The following MYH14 variants were observed in gnomAD, a reference collection of about 807,000 sequenced individuals.
The protein encoded by MYH14 is myosin-14.
In MYH14, 123 loss-of-function variants were observed where a neutral mutation model predicts 255.5. That is an observed-to-expected ratio of 0.48 (90% CI 0.42 to 0.56). The LOEUF (loss-of-function observed/expected upper bound fraction) is 0.56. MYH14 is among the 20% of genes least tolerant of loss of function. The pLI is 0.00. For synonymous variants in MYH14, 1,095 were observed against 1,161.2 expected (o/e 0.94, Z 1.16); for missense variants, 2,423 against 2,802.3 (o/e 0.86, Z 3.06).
At chr19:50,261,441 C>T in intron 20 of MYH14, 34 bp from the exon 21 acceptor site, 2 of 1,202,430 alleles carry the variant, frequency 1.7e-6, no homozygotes, top group Non-Finnish European at 1.0e-6. Context: ...CCATCACCCC[C>T]TCTCCGTCAT....
chr19:50,309,752 C>G lies in MYH14; in HGVS notation c.6073C>G (p.Pro2025Ala). 6.3e-7 allele frequency: 1 copy of G among 1,591,620 alleles called. No individual in the cohort carries two copies. Among genetic ancestry groups the G allele is most frequent in the East Asian group, 2.3e-5 (1 of 43,486 alleles). ...EEAQPGSGPSPEPEGSPPAHP... is the reference protein window; with the variant it reads ...EEAQPGSGPSAEPEGSPPAHP... ...AGCACAGCCTGGGTCTGGGCCATCC[C>G]CGGAGCCTGAGGGGTCCCCACCAGC... Residue 2025 changes from proline to alanine, a missense_variant, in exon 43 of 43, where the codon CCG becomes GCG. By Grantham distance (27) the Pro-to-Ala change is conservative (BLOSUM62 -1). This residue lies in a region of MYH14 where 1,513 missense variants were observed against 1,674.8 expected (regional missense o/e 0.90). Coordinates refer to ENST00000642316, the MANE Select transcript of MYH14 (RefSeq NM_001145809.2).
At chr19:50,307,406 G>A (rs1258513916) in intron 41 of MYH14, among the ~76,000 whole-genome samples, 1 of 152,208 alleles carries the variant, frequency 6.6e-6, no homozygotes, top group Non-Finnish European at 1.5e-5. Flanking sequence ...CAGGGCAAGG[G>A]AAGAAGTTAA....
At position 50,230,707 on chromosome 19, in the gene MYH14, A is replaced by G. The variant is rs2033335421; in HGVS notation, c.973+84A>G. The G allele has an allele frequency of 8.7e-7, 1 of 1,143,170 alleles. No individual in the cohort carries two copies. Among genetic ancestry groups the G allele is most frequent in the Non-Finnish European group, 1.3e-6 (1 of 790,840 alleles). The allele number at this position is 1,143,170 out of a possible 1,614,324, so 70.8% of individuals were successfully genotyped here. ...GGGGGCCCCTTCTGGGGAGGAAGCA[A>G]GAGTGGGGGGCTCTAATATCCGTCA... is the stretch of plus-strand genomic sequence containing the variant. On this transcript the variant is annotated intron_variant, in intron 9 of 42. Transcript: ENST00000642316. This position sits in a 1 kb window ranked among gnomAD's most constrained non-coding sequence, Gnocchi z 4.7.
At chr19:50,265,444 T>C (rs2035051003) in intron 22 of MYH14, among the ~76,000 whole-genome samples, 1 of 152,046 alleles carries the variant, frequency 6.6e-6, no homozygotes, top group Non-Finnish European at 1.5e-5. Flanking sequence ...CCCAGGAGTA[T>C]GAGGCTACAG....
chr19:50,244,479 A>ATTT (rs36011027), intron 11 of MYH14, 142 bp downstream of exon 11: 77 of 437,966 alleles, frequency 1.8e-4, no homozygotes, highest in East Asian at 8.9e-4. Flanking sequence ...GATTTCCTGC[A>ATTT]TTTTTTTTTT....
intron 39 of MYH14, among the ~76,000 whole-genome samples, chr19:50,299,909 C>T (rs1016173459): frequency 3.3e-5 from 5 of 152,204 alleles, no homozygotes; most frequent in Non-Finnish European, 7.3e-5. Flanking sequence ...CGTGCCACTA[C>T]ACTCCAGCCT....
chr19:50,219,784 A>G (rs1388260310), intron 3 of MYH14, among the ~76,000 whole-genome samples: 1 of 150,838 alleles, frequency 6.6e-6, no homozygotes, highest in Non-Finnish European at 1.5e-5. Context: ...TACATGATTA[A>G]CATCTATTAT....
At chr19:50,203,967 G>T (rs2031593182) in intron 1 of MYH14, among the ~76,000 whole-genome samples, 1 of 152,100 alleles carries the variant, frequency 6.6e-6, no homozygotes, top group Admixed American at 6.5e-5. Context: ...GCTGTCTTTG[G>T]AACCTCGGCC....
intron 39 of MYH14, among the ~76,000 whole-genome samples, chr19:50,299,405 A>G (rs2123472449): frequency 6.6e-6 from 1 of 151,426 alleles, no homozygotes; most frequent in Non-Finnish European, 1.5e-5. Flanking sequence ...TCCCATCTCT[A>G]CAAAAAAATA....
intron 22 of MYH14, among the ~76,000 whole-genome samples, chr19:50,265,419 G>A (rs1280891277): frequency 3.9e-5 from 6 of 152,094 alleles, no homozygotes; most frequent in African/African-American, 7.2e-5. Context: ...TACTTGGGAC[G>A]AAGGATTGCT....
intron 14 of MYH14, 81 bp downstream of exon 14, chr19:50,249,904 C>T: frequency 6.5e-7 from 1 of 1,542,974 alleles, no homozygotes; most frequent in Non-Finnish European, 8.9e-7. Flanking sequence ...GGTCTAGCTC[C>T]TCCTCTGCTG....
Position 50,309,991 on chromosome 19 carries a change from C to T in MYH14, c.*201C>T, listed in dbSNP as rs1011966126. On this transcript the variant is annotated 3_prime_UTR_variant, in exon 43 of 43. Transcript: ENST00000642316. ...GACCCCTAAACACAGAGGAGCGGGGCAGGCAGGGAGGCAATGACTGGAGCT... is the reference window on the plus strand; with the variant it reads ...GACCCCTAAACACAGAGGAGCGGGGTAGGCAGGGAGGCAATGACTGGAGCT... 4.4e-6 allele frequency: 3 copies of T among 674,400 alleles called. No homozygotes were observed. Among genetic ancestry groups the T allele is most frequent in the Non-Finnish European group, 7.8e-6 (3 of 384,688 alleles). 41.8% of individuals were successfully genotyped at this position (674,400 alleles called of 1,614,324 possible).
chr19:50,232,593 C>CAAAAAAAAAAAAA (rs532232129), intron 10 of MYH14, among the ~76,000 whole-genome samples: 3 of 63,692 alleles, frequency 4.7e-5, no homozygotes, highest in African/African-American at 6.6e-5. Context: ...GACTCTGTCT[C>CAAAAAAAAAAAAA]AAAAAAAAAA....
chr19:50,293,926 A>G lies in MYH14; in HGVS notation c.5469+239A>G, dbSNP rs1243470567. 6.6e-6 allele frequency among the ~76,000 whole-genome samples: 1 copy of G among 152,160 alleles called. No homozygotes were observed. The highest frequency in any genetic ancestry group is 6.6e-5 in the Admixed American group (1 of 15,264). On this transcript the variant is annotated intron_variant, in intron 39 of 42. Coordinates refer to ENST00000642316, the MANE Select transcript of MYH14 (RefSeq NM_001145809.2). This position sits in a 1 kb window ranked among gnomAD's most constrained non-coding sequence, Gnocchi z 4.1. ...CAGACATGGGCCAGCAAGTGTGATC[A>G]TGGAAGTCTCCTGGGCCCAGTAGAG...
chr19:50,208,123 T>C (rs8105480), intron 1 of MYH14, among the ~76,000 whole-genome samples: 12,088 of 152,234 alleles, frequency 0.079, 999 homozygotes, highest in African/African-American at 0.21. Flanking sequence ...CACCATTTAA[T>C]GTACTATCTG....
rs1430214828 is a variant in MYH14 at position 50,272,865 on chromosome 19, C to G, written c.3467+134C>G. 18 of 852,860 alleles carry G rather than the reference C, an allele frequency of 2.1e-5. No individual in the cohort carries two copies. The East Asian group carries it at 4.5e-4, about 21-fold the overall frequency. 52.8% of individuals were successfully genotyped at this position (852,860 alleles called of 1,614,324 possible). A position where few individuals can be genotyped will look rare whatever the true frequency, so the allele number is the denominator to read the frequency against. On this transcript the variant is annotated intron_variant, in intron 27 of 42. Transcript: ENST00000642316. ...ACCAGCCACAGACAGGCCACATCCCCTCCGAGCCTCAGTGTCCCCTTCTGT... is the reference window on the plus strand; with the variant it reads ...ACCAGCCACAGACAGGCCACATCCCGTCCGAGCCTCAGTGTCCCCTTCTGT...
chr19:50,295,097 G>A (rs1016360638), intron 39 of MYH14, among the ~76,000 whole-genome samples: 14 of 151,632 alleles, frequency 9.2e-5, no homozygotes, highest in South Asian at 2.1e-4. Flanking sequence ...AGGCCGAGGC[G>A]GGCAGATCAC....
In MYH14 at chr19:50,250,435, T is replaced by A; in HGVS notation, c.1657-80T>A. The A allele has an allele frequency of 1.4e-6, 2 of 1,428,820 alleles. No homozygotes were observed. The highest frequency in any genetic ancestry group is 1.9e-6 in the Non-Finnish European group (2 of 1,035,036). 88.5% of individuals were successfully genotyped at this position (1,428,820 alleles called of 1,614,324 possible). A position where few individuals can be genotyped will look rare whatever the true frequency, so the allele number is the denominator to read the frequency against. On this transcript the variant is annotated intron_variant, in intron 14 of 42. Coordinates refer to ENST00000642316, the MANE Select transcript of MYH14 (RefSeq NM_001145809.2). This position sits in a 1 kb window ranked among gnomAD's most constrained non-coding sequence, Gnocchi z 5.4. The stretch of plus-strand genomic sequence containing the variant: ...TGTTTTTATGTCCAAGTGTGACTTA[T>A]AAGAGCTAAAAATCAGCAGCCACCT...
intron 10 of MYH14, among the ~76,000 whole-genome samples, chr19:50,234,898 C>T (rs757663299): frequency 1.3e-5 from 2 of 152,200 alleles, no homozygotes; most frequent in African/African-American, 2.4e-5. Context: ...CCCACTCTTC[C>T]CTGGCCCTAG....
Sources: allele counts gnomAD v4.1 joint callset (sites outside exome capture counted in the v4.1 genomes callset), GRCh38; gene constraint gnomAD v4.1.1; regional missense constraint gnomAD v4.1.1; non-coding constraint Gnocchi (gnomAD v3.1); transcripts MANE v1.5; gene names NCBI Gene and HGNC (gene_info 2026-07-23, HGNC 2026-07-21).